The following ABCC1 variants were observed in gnomAD, a reference collection of about 807,000 sequenced individuals.
ABCC1 encodes the protein multidrug resistance-associated protein 1.
A neutral mutation model predicts 172.9 loss-of-function variants in ABCC1; 83 were observed. The ratio of observed to expected loss-of-function variants is 0.48; its 90% CI spans 0.40 to 0.58. The LOEUF is 0.58. Ranked by LOEUF, ABCC1 falls within the 20% of genes least tolerant of loss-of-function variation. The pLI is 0.00. For synonymous variants in ABCC1, 937 were observed against 825.2 expected (o/e 1.14, Z -2.32); for missense variants, 1,817 against 2,002.7 (o/e 0.91, Z 1.77).
At chr16:16,069,213 T>C (rs561584983) in intron 13 of ABCC1, among the ~76,000 whole-genome samples, 1 of 139,314 alleles carries the variant, frequency 7.2e-6, no homozygotes, top group East Asian at 2.1e-4. Context: ...AATAAATAAA[T>C]ATGTTTGAAA....
Position 16,134,478 on chromosome 16 carries a change from C to T in ABCC1, c.4095C>T (p.Asp1365=). ...ACATCGCCAAGATCGGCCTGCACGA[C>T]CTCCGCTTCAAGATCACCATCATCC... ...GINIAKIGLH[D]LRFKITIIPQ... The change falls in exon 28 of 31, where the codon GAC becomes GAT. Residue 1365 remains aspartate (D), a synonymous_variant. Transcript: ENST00000399410. 1 of 1,614,202 alleles carries T rather than the reference C, an allele frequency of 6.2e-7. No homozygotes were observed. Among genetic ancestry groups the T allele is most frequent in the Middle Eastern group, 1.6e-4 (1 of 6,062 alleles).
intron 1 of ABCC1, among the ~76,000 whole-genome samples, chr16:15,962,695 TG>T (rs1338308416): frequency 2.0e-5 from 3 of 152,190 alleles, no homozygotes; most frequent in African/African-American, 7.2e-5. Context: ...TCAGATCTTC[TG>T]AGGACTCACT....
chr16:15,949,414 C>A (rs1321574774), upstream of ABCC1, among the ~76,000 whole-genome samples: 1 of 151,706 alleles, frequency 6.6e-6, no homozygotes, highest in Admixed American at 6.6e-5. Flanking sequence ...AGCGGGTGGG[C>A]CTAAGCCTTG....
intron 1 of ABCC1, among the ~76,000 whole-genome samples, chr16:15,953,404 G>GGT (rs1021369565): frequency 1.3e-5 from 2 of 152,090 alleles, no homozygotes; most frequent in Admixed American, 6.6e-5. Context: ...GAAACAACTT[G>GGT]GTATTAAGCA....
chr16:15,985,538 G>A (rs2046723766), intron 1 of ABCC1, among the ~76,000 whole-genome samples: 1 of 151,946 alleles, frequency 6.6e-6, no homozygotes, highest in Admixed American at 6.6e-5. Flanking sequence ...TCCGCCTCCT[G>A]GGTTCAAGTG....
intron 1 of ABCC1, among the ~76,000 whole-genome samples, chr16:15,951,990 GT>G (rs375043680): frequency 1.9e-3 from 286 of 151,654 alleles, no homozygotes; most frequent in Middle Eastern, 3.4e-3. Flanking sequence ...GTGCCCGGCT[GT>G]TTTTGTGTTT....
intron 24 of ABCC1, among the ~76,000 whole-genome samples, chr16:16,122,799 G>A (rs930148796): frequency 6.6e-6 from 1 of 151,230 alleles, no homozygotes; most frequent in African/African-American, 2.4e-5. Flanking sequence ...CTGGAGGATC[G>A]TTTCAGCCCA....
intron 7 of ABCC1, among the ~76,000 whole-genome samples, chr16:16,037,030 A>G (rs1476858950): frequency 6.6e-6 from 1 of 151,888 alleles, no homozygotes; most frequent in Non-Finnish European, 1.5e-5. Flanking sequence ...TGAACCCAGG[A>G]GGCGGAGGTT....
At chr16:16,060,320 A>G (rs1482498362) in intron 12 of ABCC1, among the ~76,000 whole-genome samples, 3 of 152,072 alleles carry the variant, frequency 2.0e-5, no homozygotes, top group Admixed American at 6.6e-5. Flanking sequence ...GTTCTTTCCC[A>G]CTGAGTTATG....
intron 15 of ABCC1, 68 bp downstream of exon 15, chr16:16,076,469 C>T (rs890725777): frequency 1.6e-5 from 23 of 1,429,110 alleles, no homozygotes; most frequent in African/African-American, 1.4e-4. Context: ...AACGTGGATT[C>T]GAATTCCCAC....
chr16:15,989,419 AT>A (rs1361966254), intron 1 of ABCC1, among the ~76,000 whole-genome samples: 2 of 151,960 alleles, frequency 1.3e-5, no homozygotes, highest in African/African-American at 2.4e-5. Context: ...CTTTCTCCAG[AT>A]GTTTTCAGGA....
rs1381472538 is a variant in ABCC1 at position 16,046,048 on chromosome 16, C to T, written c.1218+35C>T. The T allele has an allele frequency of 1.9e-6, 3 of 1,606,064 alleles. No homozygotes were observed. The Admixed American group carries it at 5.0e-5, about 27-fold the overall frequency. ...GCTGTGCCATTGGCATGTGGCCCGA[C>T]TTCCACATCCCCTCCTGCAGCCCTG... On this transcript the variant is annotated intron_variant, in intron 9 of 30. Transcript: ENST00000399410.
At chr16:16,079,753 A>G (rs2050733169) in intron 16 of ABCC1, among the ~76,000 whole-genome samples, 1 of 151,944 alleles carries the variant, frequency 6.6e-6, no homozygotes, top group Admixed American at 6.6e-5. Flanking sequence ...GCACTTAATA[A>G]ATATTTATTT....
intron 3 of ABCC1, among the ~76,000 whole-genome samples, chr16:16,012,718 C>G (rs1428132212): frequency 7.8e-6 from 1 of 128,836 alleles, no homozygotes; most frequent in African/African-American, 3.5e-5. Context: ...GGCAGAGTTT[C>G]GCTCTTTTTT....
At chr16:16,012,127 A>G (rs2047808251) in intron 3 of ABCC1, among the ~76,000 whole-genome samples, 1 of 152,146 alleles carries the variant, frequency 6.6e-6, no homozygotes, top group South Asian at 2.1e-4. Flanking sequence ...TATAGCACAC[A>G]TATGTGCTGT....
intron 10 of ABCC1, among the ~76,000 whole-genome samples, chr16:16,050,629 G>A (rs913328732): frequency 9.3e-5 from 14 of 150,268 alleles, no homozygotes; most frequent in African/African-American, 3.4e-4. Context: ...TAGGTGGCAT[G>A]CGCCTGTAAT....
At chr16:16,104,409 C>T (rs1397209434) in intron 20 of ABCC1, among the ~76,000 whole-genome samples, 1 of 152,140 alleles carries the variant, frequency 6.6e-6, no homozygotes, top group Non-Finnish European at 1.5e-5. Context: ...GTAAGTTCCC[C>T]ACATCCCCAC....
intron 12 of ABCC1, among the ~76,000 whole-genome samples, chr16:16,066,057 T>TA (rs1324100632): frequency 1.3e-5 from 2 of 152,184 alleles, no homozygotes; most frequent in African/African-American, 4.8e-5. Flanking sequence ...CTGTACCTGT[T>TA]ACCAGTTGCT....
chr16:15,952,525 A>G (rs2045895819), intron 1 of ABCC1, among the ~76,000 whole-genome samples: 1 of 151,916 alleles, frequency 6.6e-6, no homozygotes, highest in South Asian at 2.1e-4. Context: ...GTTGACCTTT[A>G]CTCAGACAGA....
Sources: allele counts gnomAD v4.1 joint callset (sites outside exome capture counted in the v4.1 genomes callset), GRCh38; gene constraint gnomAD v4.1.1; transcripts MANE v1.5; gene names NCBI Gene and HGNC (gene_info 2026-07-23, HGNC 2026-07-21).